The following CCSER1 variants were observed in gnomAD, a reference collection of about 807,000 sequenced individuals.
CCSER1 encodes serine-rich coiled-coil domain-containing protein 1.
Under a neutral mutation model 82.0 loss-of-function variants are expected in CCSER1, and 41 were observed. That is an observed-to-expected ratio of 0.50 (90% CI 0.39 to 0.65). The LOEUF (loss-of-function observed/expected upper bound fraction) is 0.65. Among genes scored for constraint, CCSER1 ranks in the 30% least tolerant of loss-of-function variants. CCSER1 has a pLI of 0.00. For synonymous variants in CCSER1, 414 were observed against 383.9 expected (o/e 1.08, Z -0.92); for missense variants, 1,119 against 1,064.2 (o/e 1.05, Z -0.72).
In CCSER1 at chr4:90,959,688, A is replaced by G. The variant is rs578188393; in HGVS notation, c.2172+36241A>G. ...ACCATTACCTGGGACTTCCTAATAT[A>G]TGATCAGATAAAGAGACTTCTGCAT... On this transcript the variant is annotated intron_variant, in intron 9 of 10. Transcript: ENST00000509176. 4.1e-4 allele frequency among the ~76,000 whole-genome samples: 11 copies of G among 27,050 alleles called. No homozygotes were observed. The East Asian group carries it at 9.0e-3, about 22-fold the overall frequency. The allele number at this position is 27,050 out of a possible 152,430, so 17.7% of individuals were successfully genotyped here.
intron 6 of CCSER1, among the ~76,000 whole-genome samples, chr4:90,701,927 A>G (rs1234196094): frequency 6.6e-6 from 1 of 152,204 alleles, no homozygotes; most frequent in Non-Finnish European, 1.5e-5. Flanking sequence ...AAACAGGGAC[A>G]ATTTGACTTC....
At chr4:90,838,718 A>C (rs574909059) in intron 8 of CCSER1, among the ~76,000 whole-genome samples, 4 of 152,326 alleles carry the variant, frequency 2.6e-5, no homozygotes, top group East Asian at 1.9e-4. Context: ...TGCCAGCCAG[A>C]CAGACAGATG....
intron 10 of CCSER1, among the ~76,000 whole-genome samples, chr4:91,471,942 T>C (rs6821546): frequency 0.84 from 120,687 of 143,402 alleles, 51,107 homozygotes; most frequent in African/African-American, 0.94. Flanking sequence ...TGCACTCCAG[T>C]CTGGGCGACA....
chr4:90,580,931 T>A (rs1328062366), intron 5 of CCSER1, among the ~76,000 whole-genome samples: 1 of 150,750 alleles, frequency 6.6e-6, no homozygotes, highest in Non-Finnish European at 1.5e-5. Flanking sequence ...TGAGTTTTGA[T>A]TAATTGTGTG....
intron 9 of CCSER1, among the ~76,000 whole-genome samples, chr4:90,960,845 A>G (rs1733985026): frequency 6.6e-6 from 1 of 152,204 alleles, no homozygotes; most frequent in African/African-American, 2.4e-5. Flanking sequence ...GCACCTTAAT[A>G]TATGTTAAGA....
At chr4:90,333,505 G>T (rs1739761417) in intron 3 of CCSER1, among the ~76,000 whole-genome samples, 1 of 152,114 alleles carries the variant, frequency 6.6e-6, no homozygotes, top group Non-Finnish European at 1.5e-5. Context: ...AACGTGAAAT[G>T]CTATTGCCAC....
intron 10 of CCSER1, among the ~76,000 whole-genome samples, chr4:91,598,065 T>C (rs534732954): frequency 6.6e-6 from 1 of 152,334 alleles, no homozygotes; most frequent in Non-Finnish European, 1.5e-5. Context: ...TTCTTGTAGT[T>C]ACTTGTGTGT....
At chr4:90,153,235 C>T (rs1442490135) in intron 1 of CCSER1, among the ~76,000 whole-genome samples, 6 of 152,064 alleles carry the variant, frequency 3.9e-5, no homozygotes, top group African/African-American at 1.2e-4. Context: ...TTTGTGGCTG[C>T]ATAGTATTCC....
chr4:90,418,148 G>A (rs1335671819), intron 4 of CCSER1, among the ~76,000 whole-genome samples: 1 of 151,986 alleles, frequency 6.6e-6, no homozygotes, highest in African/African-American at 2.4e-5. Flanking sequence ...AAATGGGCGC[G>A]ATGATGTATC....
chr4:90,461,500 C>G (rs564787031), intron 4 of CCSER1, among the ~76,000 whole-genome samples: 1 of 152,088 alleles, frequency 6.6e-6, no homozygotes, highest in African/African-American at 2.4e-5. Flanking sequence ...AAGGTATTGC[C>G]GATGACCTAT....
At chr4:90,572,479 G>A (rs1457147157) in intron 5 of CCSER1, among the ~76,000 whole-genome samples, 1 of 151,846 alleles carries the variant, frequency 6.6e-6, no homozygotes, top group African/African-American at 2.4e-5. Flanking sequence ...ATGAAAGTTT[G>A]TTTAGATATT....
At chr4:91,347,768 A>G (rs1748157613) in intron 10 of CCSER1, among the ~76,000 whole-genome samples, 1 of 151,946 alleles carries the variant, frequency 6.6e-6, no homozygotes, top group Non-Finnish European at 1.5e-5. Flanking sequence ...TTCAAATTCC[A>G]ATTTTTCATG....
At chr4:91,464,668 G>A (rs1756757889) in intron 10 of CCSER1, among the ~76,000 whole-genome samples, 1 of 152,074 alleles carries the variant, frequency 6.6e-6, no homozygotes, top group Admixed American at 6.6e-5. Flanking sequence ...GATCTCCCAA[G>A]CAAATGGAAA....
chr4:90,256,984 A>G (rs535308173), intron 1 of CCSER1, among the ~76,000 whole-genome samples: 44 of 152,228 alleles, frequency 2.9e-4, no homozygotes, highest in Admixed American at 7.9e-4. Flanking sequence ...AAGAAAATAC[A>G]TAGTATTTAT....
chr4:91,424,057 C>G (rs967537629), intron 10 of CCSER1, among the ~76,000 whole-genome samples: 2 of 124,698 alleles, frequency 1.6e-5, no homozygotes, highest in Admixed American at 1.0e-4. Context: ...TCGCCCAGGC[C>G]GGACTGCGGA....
rs578016570 is a variant in CCSER1 at position 91,105,481 on chromosome 4, G to A, written c.2217+19487G>A. Among the ~76,000 whole-genome samples the A allele has an allele frequency of 8.5e-5, 13 of 152,114 alleles. 1 individual carries two copies. In the East Asian group the frequency reaches 1.2e-3, roughly 14 times the overall value. The stretch of plus-strand genomic sequence containing the variant: ...AGCACTTTGGGAGGCAGAGGTGGGC[G>A]GATCACAAGGTCAGGAGTTTGAGAC... On this transcript the variant is annotated intron_variant, in intron 10 of 10. Transcript: ENST00000509176.
chr4:91,567,341 G>T (rs769348839), intron 10 of CCSER1, among the ~76,000 whole-genome samples: 1 of 152,112 alleles, frequency 6.6e-6, no homozygotes, highest in African/African-American at 2.4e-5. Flanking sequence ...GTGGTGATGA[G>T]AAGAATGTAT....
chr4:90,399,754 T>C (rs1349254576), intron 3 of CCSER1, among the ~76,000 whole-genome samples: 3 of 152,054 alleles, frequency 2.0e-5, no homozygotes, highest in South Asian at 2.1e-4. Context: ...TATCTGCCCA[T>C]ATGTACTTCC....
intron 7 of CCSER1, among the ~76,000 whole-genome samples, chr4:90,757,384 T>C (rs533361032): frequency 2.6e-5 from 4 of 152,228 alleles, no homozygotes; most frequent in Non-Finnish European, 5.9e-5. Context: ...TAAAACTGGC[T>C]TGCTTGGGAT....
Sources: allele counts gnomAD v4.1 joint callset (sites outside exome capture counted in the v4.1 genomes callset), GRCh38; gene constraint gnomAD v4.1.1; transcripts MANE v1.5; gene names NCBI Gene and HGNC (gene_info 2026-07-23, HGNC 2026-07-21).